Variants in C12orf54 observed in about 807,000 individuals in gnomAD.
C12orf54 encodes chromosome 12 open reading frame 54.
Under a neutral mutation model 26.4 loss-of-function variants are expected in C12orf54, and 24 were observed. The observed-to-expected ratio is 0.91, with a 90% CI of 0.66 to 1.28. The LOEUF (loss-of-function observed/expected upper bound fraction) is 1.28. Ranked by LOEUF, C12orf54 falls within the 50% of genes most tolerant of loss-of-function variation. The pLI is 0.00. For synonymous variants in C12orf54, 54 were observed against 47.0 expected, an observed-to-expected ratio of 1.15 and a Z score of -0.61; for missense variants, 154 against 150.9, an observed-to-expected ratio of 1.02 and a Z score of -0.11.
At chr12:48,479,015 T>C (rs1954172373), upstream of C12orf54, among the ~76,000 whole-genome samples, 2 of 151,688 alleles carry the variant, frequency 1.3e-5, no homozygotes, top group South Asian at 4.1e-4. Flanking sequence ...CCCATTACTG[T>C]ATACCCAAAG....
the C12orf54 span, among the ~76,000 whole-genome samples, chr12:48,457,756 C>A: frequency 1.3e-5 from 2 of 152,150 alleles, no homozygotes; most frequent in Non-Finnish European, 2.9e-5. Context: ...GCTTTGGGTC[C>A]TCTTTCTGTG....
intron 7 of C12orf54, 90 bp from the exon 8 acceptor site, chr12:48,494,708 G>A (rs368523595): frequency 7.3e-7 from 1 of 1,366,416 alleles, no homozygotes; most frequent in African/African-American, 1.4e-5. Context: ...TGTAATAATA[G>A]AATCTCTAAG....
At position 48,494,710 on chromosome 12, in the gene C12orf54, A is replaced by G. The variant is rs1208228175; in HGVS notation, c.243-88A>G. 4 of 1,379,358 alleles carry G rather than the reference A, an allele frequency of 2.9e-6. No homozygotes were observed. The South Asian group carries it at 3.9e-5, about 13-fold the overall frequency. 85.4% of individuals were successfully genotyped at this position (1,379,358 alleles called of 1,614,324 possible). A position where few individuals can be genotyped will look rare whatever the true frequency, so the allele number is the denominator to read the frequency against. On this transcript the variant is annotated intron_variant, in intron 7 of 8. Transcript: ENST00000548364. ...ATTCTTGGGGGAGTGTAATAATAGAATCTCTAAGGGCAGTGGAGGCCAGGA... is the reference window on the plus strand; with the variant it reads ...ATTCTTGGGGGAGTGTAATAATAGAGTCTCTAAGGGCAGTGGAGGCCAGGA...
intron 5 of C12orf54, among the ~76,000 whole-genome samples, chr12:48,489,614 G>A (rs1324847131): frequency 6.6e-6 from 1 of 151,898 alleles, no homozygotes; most frequent in Non-Finnish European, 1.5e-5. Flanking sequence ...ACAGGGTTTC[G>A]CCATGTTGCC....
At chr12:48,466,085 G>T in the C12orf54 span, among the ~76,000 whole-genome samples, 2 of 152,066 alleles carry the variant, frequency 1.3e-5, no homozygotes, top group African/African-American at 4.8e-5. Context: ...CGAAATTAAA[G>T]ATTTTCATCT....
chr12:48,484,076 T>C (rs1405223851), intron 2 of C12orf54, among the ~76,000 whole-genome samples: 1 of 152,168 alleles, frequency 6.6e-6, no homozygotes, highest in Non-Finnish European at 1.5e-5. Flanking sequence ...ATGCCTGTAA[T>C]CCCATCTATT....
At chr12:48,435,950 G>A in the C12orf54 span, among the ~76,000 whole-genome samples, 2 of 152,182 alleles carry the variant, frequency 1.3e-5, no homozygotes, top group South Asian at 4.2e-4. Flanking sequence ...TCCAATTAAA[G>A]GGCACAGACT....
In C12orf54 at chr12:48,486,693, A is replaced by G; in HGVS notation, c.102A>G (p.Lys34=). ...SIEETMRPQE[K]QVTITETLWD... is the part of the protein sequence containing the mutation. ...TTTGTTCCTTATTTCTACAGGAAAAACAGGTAACCATCACTGAAACCCTGT... is the reference window on the plus strand; with the variant it reads ...TTTGTTCCTTATTTCTACAGGAAAAGCAGGTAACCATCACTGAAACCCTGT... Residue 34 remains lysine, a synonymous_variant, in exon 4 of 9, where the codon AAA becomes AAG. Transcript: ENST00000548364. 1 of 1,612,858 alleles carries G rather than the reference A, an allele frequency of 6.2e-7. No individual in the cohort carries two copies. Among genetic ancestry groups the G allele is most frequent in the South Asian group, 1.1e-5 (1 of 91,054 alleles).
At chr12:48,430,104 T>C in the C12orf54 span, among the ~76,000 whole-genome samples, 1 of 151,806 alleles carries the variant, frequency 6.6e-6, no homozygotes, top group Admixed American at 6.6e-5. Context: ...GATAATTGGC[T>C]AGCCACATGA....
chr12:48,485,484 C>T (rs1209255784), intron 2 of C12orf54, among the ~76,000 whole-genome samples: 1 of 152,096 alleles, frequency 6.6e-6, no homozygotes, highest in Admixed American at 6.5e-5. Flanking sequence ...CTAGCAGGAA[C>T]CCCTGGGCAA....
chr12:48,424,549 T>C, the C12orf54 span, among the ~76,000 whole-genome samples: 409 of 152,236 alleles, frequency 2.7e-3, 3 homozygotes, highest in African/African-American at 9.3e-3. Flanking sequence ...ATATCTTCAA[T>C]AGCAAATATT....
chr12:48,486,062 A>G (rs1592199961), intron 2 of C12orf54, 116 bp from the exon 3 acceptor site: 2 of 1,050,300 alleles, frequency 1.9e-6, no homozygotes, highest in African/African-American at 3.1e-5. Context: ...CCCTTCCTGG[A>G]TTTTTAGTAT....
At chr12:48,486,055 T>A in intron 2 of C12orf54, 123 bp from the exon 3 acceptor site, 1 of 948,216 alleles carries the variant, frequency 1.1e-6, no homozygotes, top group South Asian at 1.5e-5. Flanking sequence ...GTGGCTACCC[T>A]TCCTGGATTT....
chr12:48,477,501 A>G (rs527428819), upstream of C12orf54, among the ~76,000 whole-genome samples: 4 of 152,338 alleles, frequency 2.6e-5, no homozygotes, highest in South Asian at 8.3e-4. Flanking sequence ...GACCTCTAGC[A>G]AGACTAATAA....
chr12:48,450,574 T>C, the C12orf54 span, among the ~76,000 whole-genome samples: 16 of 151,838 alleles, frequency 1.1e-4, no homozygotes, highest in East Asian at 1.9e-4. Flanking sequence ...AATAATAAAA[T>C]AGACTGCTAG....
At chr12:48,462,478 C>T in the C12orf54 span, among the ~76,000 whole-genome samples, 2 of 151,418 alleles carry the variant, frequency 1.3e-5, no homozygotes, top group South Asian at 4.2e-4. Flanking sequence ...AACATAGATG[C>T]AAAAATTTTA....
chr12:48,452,104 C>A, the C12orf54 span, among the ~76,000 whole-genome samples: 5 of 152,120 alleles, frequency 3.3e-5, no homozygotes, highest in Non-Finnish European at 5.9e-5. Flanking sequence ...GATACAGTAA[C>A]CAAAACAGCC....
the C12orf54 span, among the ~76,000 whole-genome samples, chr12:48,443,515 G>A: frequency 6.6e-6 from 1 of 152,152 alleles, no homozygotes; most frequent in Non-Finnish European, 1.5e-5. Flanking sequence ...GAGTTGCAGA[G>A]TACAGAGAAA....
chr12:48,449,289 C>A, the C12orf54 span, among the ~76,000 whole-genome samples: 1 of 152,186 alleles, frequency 6.6e-6, no homozygotes, highest in Non-Finnish European at 1.5e-5. Flanking sequence ...AATAGAGATT[C>A]TTTACAGATG....
Sources: allele counts gnomAD v4.1 joint callset (sites outside exome capture counted in the v4.1 genomes callset), GRCh38; gene constraint gnomAD v4.1.1; transcripts MANE v1.5; gene names NCBI Gene and HGNC (gene_info 2026-07-23, HGNC 2026-07-21).